SYNDIG1L: variants seen among roughly 807,000 people sequenced by gnomAD.
SYNDIG1L encodes synapse differentiation inducing 1 like.
Under a neutral mutation model 20.1 loss-of-function variants are expected in SYNDIG1L, and 13 were observed. The observed-to-expected ratio is 0.65, with a 90% CI of 0.42 to 1.03. The LOEUF is 1.03. Among genes scored for constraint, SYNDIG1L ranks in the 50% least tolerant of loss-of-function variants. The pLI is 0.00. For missense variants in SYNDIG1L, 294 were observed against 305.1 expected, an observed-to-expected ratio of 0.96 and a Z score of 0.27; for synonymous variants, 128 against 129.3, an observed-to-expected ratio of 0.99 and a Z score of 0.07.
the SYNDIG1L span, among the ~76,000 whole-genome samples, chr14:74,455,870 G>A: frequency 6.6e-6 from 1 of 152,180 alleles, no homozygotes; most frequent in East Asian, 1.9e-4. Context: ...TCTCCCTCCT[G>A]GGTTGGTGGC....
the SYNDIG1L span, chr14:74,472,504 A>G: frequency 6.6e-6 from 1 of 152,242 alleles, no homozygotes; most frequent in Admixed American, 6.5e-5. Flanking sequence ...GGACAGTGGG[A>G]ATACAGTGAT....
intron 1 of SYNDIG1L, among the ~76,000 whole-genome samples, chr14:74,422,653 T>TGACA (rs1555343200): frequency 7.1e-6 from 1 of 140,394 alleles, no homozygotes; most frequent in African/African-American, 2.7e-5. Flanking sequence ...ATCTCTCTCT[T>TGACA]CACACACACA....
At chr14:74,466,356 G>A in the SYNDIG1L span, among the ~76,000 whole-genome samples, 143 of 152,140 alleles carry the variant, frequency 9.4e-4, no homozygotes, top group Middle Eastern at 3.2e-3. Flanking sequence ...ATAGATGGAT[G>A]GATGGATAAA....
chr14:74,409,755 C>T lies in SYNDIG1L; in HGVS notation c.-11G>A, dbSNP rs2086116326. 2.8e-6 allele frequency: 4 copies of T among 1,420,312 alleles called. No individual in the cohort carries two copies. Among genetic ancestry groups the T allele is most frequent in the South Asian group, 1.9e-5 (1 of 52,840 alleles). 88.0% of individuals were successfully genotyped at this position (1,420,312 alleles called of 1,614,324 possible). ...ACTCAGACTCTCCATGGTTCTGGGG[C>T]AGCTGCTGGGGAGGGGGGCCTGGGC... is the stretch of plus-strand genomic sequence containing the variant. On this transcript the variant is annotated 5_prime_UTR_variant, in exon 2 of 4. Transcript: ENST00000331628.
chr14:74,460,225 G>T, the SYNDIG1L span, among the ~76,000 whole-genome samples: 1,795 of 151,134 alleles, frequency 0.012, 43 homozygotes, highest in African/African-American at 0.041. Flanking sequence ...TGTTCCAGTG[G>T]GGCTCTTACC....
the SYNDIG1L span, among the ~76,000 whole-genome samples, chr14:74,442,370 G>A: frequency 6.6e-6 from 1 of 152,112 alleles, no homozygotes; most frequent in Non-Finnish European, 1.5e-5. Flanking sequence ...AGTTTTCCTG[G>A]GAAGGTGATA....
the SYNDIG1L span, among the ~76,000 whole-genome samples, chr14:74,447,088 T>G: frequency 1.6e-4 from 25 of 152,194 alleles, no homozygotes; most frequent in African/African-American, 6.0e-4. Flanking sequence ...TAAAAGATAT[T>G]TTTTAAACCA....
At chr14:74,415,168 C>A (rs2086165082) in intron 1 of SYNDIG1L, among the ~76,000 whole-genome samples, 1 of 152,166 alleles carries the variant, frequency 6.6e-6, no homozygotes, top group East Asian at 1.9e-4. Flanking sequence ...GAAGTAGGAG[C>A]AACTCAGAAA....
At chr14:74,480,117 A>G in the SYNDIG1L span, 1 of 1,559,536 alleles carries the variant, frequency 6.4e-7, no homozygotes, top group African/African-American at 1.4e-5. Context: ...AGAACCAGCC[A>G]CCCGGAGCTC....
chr14:74,450,154 A>G, the SYNDIG1L span, among the ~76,000 whole-genome samples: 1 of 152,194 alleles, frequency 6.6e-6, no homozygotes, highest in Admixed American at 6.5e-5. Flanking sequence ...CACAAGTACC[A>G]AAGCTCACAT....
the SYNDIG1L span, among the ~76,000 whole-genome samples, chr14:74,458,379 A>G: frequency 1.3e-5 from 2 of 151,870 alleles, no homozygotes; most frequent in Non-Finnish European, 2.9e-5. Flanking sequence ...CACTTTGGGA[A>G]GCTGAGGTGG....
At chr14:74,433,410 G>T in the SYNDIG1L span, among the ~76,000 whole-genome samples, 3 of 151,620 alleles carry the variant, frequency 2.0e-5, no homozygotes, top group South Asian at 2.1e-4. Context: ...TTGAGACGGA[G>T]TCTTGCTCTG....
the SYNDIG1L span, among the ~76,000 whole-genome samples, chr14:74,477,425 A>G: frequency 6.6e-6 from 1 of 151,938 alleles, no homozygotes; most frequent in Non-Finnish European, 1.5e-5. Context: ...CACTCTTCCT[A>G]TGTCTGGAGG....
chr14:74,472,635 A>G, the SYNDIG1L span, among the ~76,000 whole-genome samples: 1 of 152,190 alleles, frequency 6.6e-6, no homozygotes, highest in Non-Finnish European at 1.5e-5. Flanking sequence ...GAGAGAGCAG[A>G]GTGCTATGAA....
At chr14:74,428,534 T>C (rs565541885), upstream of SYNDIG1L, among the ~76,000 whole-genome samples, 3 of 152,186 alleles carry the variant, frequency 2.0e-5, no homozygotes, top group African/African-American at 7.2e-5. Flanking sequence ...TCCATAGACA[T>C]GTTGACCAGC....
At chr14:74,427,287 C>T (rs1326593149), upstream of SYNDIG1L, among the ~76,000 whole-genome samples, 3 of 152,082 alleles carry the variant, frequency 2.0e-5, no homozygotes, top group Non-Finnish European at 4.4e-5. Flanking sequence ...GCAAAGTAAA[C>T]CACAGAGCAG....
At chr14:74,436,105 A>G in the SYNDIG1L span, among the ~76,000 whole-genome samples, 226 of 152,262 alleles carry the variant, frequency 1.5e-3, no homozygotes, top group Non-Finnish European at 2.7e-3. Context: ...CAAAGACGGG[A>G]TGATTTTAGC....
At chr14:74,415,179 C>T (rs1466340376) in intron 1 of SYNDIG1L, among the ~76,000 whole-genome samples, 3 of 152,202 alleles carry the variant, frequency 2.0e-5, no homozygotes, top group African/African-American at 7.2e-5. Context: ...AACTCAGAAA[C>T]AAACCAGCCC....
the SYNDIG1L span, among the ~76,000 whole-genome samples, chr14:74,444,983 C>T: frequency 6.6e-6 from 1 of 152,174 alleles, no homozygotes; most frequent in African/African-American, 2.4e-5. Context: ...TTATTCCCTT[C>T]CAATCTCACA....
Sources: gnomAD v4.1 joint callset for allele counts (sites outside exome capture counted in the v4.1 genomes callset) on GRCh38, gnomAD v4.1.1 for gene constraint, MANE v1.5 for transcripts, NCBI Gene and HGNC (gene_info 2026-07-23, HGNC 2026-07-21) for gene names.